FYB1: variants seen among roughly 807,000 people sequenced by gnomAD.
FYB1 encodes FYN-binding protein 1.
FYB1 carries 41 observed loss-of-function variants against 94.1 expected under a neutral mutation model. The ratio of observed to expected loss-of-function variants is 0.44; its 90% CI spans 0.34 to 0.57. The LOEUF is 0.57. Among genes scored for constraint, FYB1 ranks in the 20% least tolerant of loss-of-function variants. FYB1 has a pLI of 0.02. For missense variants in FYB1, 1,050 were observed against 976.8 expected (o/e 1.07, Z -1.00); for synonymous variants, 367 against 353.2 (o/e 1.04, Z -0.44).
chr5:39,268,029 G>A (rs758188501), intron 1 of FYB1, among the ~76,000 whole-genome samples: 1 of 152,054 alleles, frequency 6.6e-6, no homozygotes, highest in Non-Finnish European at 1.5e-5. Flanking sequence ...AAACTACATT[G>A]TAACTCCAAT....
chr5:39,156,554 A>G (rs1743776424), intron 2 of FYB1, among the ~76,000 whole-genome samples: 1 of 152,082 alleles, frequency 6.6e-6, no homozygotes, highest in Non-Finnish European at 1.5e-5. Context: ...AATTGAACAT[A>G]CTCTTCCTCA....
chr5:39,132,028 G>A (rs1451104893), intron 9 of FYB1, among the ~76,000 whole-genome samples: 1 of 152,174 alleles, frequency 6.6e-6, no homozygotes, highest in East Asian at 1.9e-4. Context: ...AATGGTAGAG[G>A]GGTATTTGCA....
intron 1 of FYB1, among the ~76,000 whole-genome samples, chr5:39,240,322 T>C (rs1461663888): frequency 6.6e-6 from 1 of 152,060 alleles, no homozygotes; most frequent in African/African-American, 2.4e-5. Flanking sequence ...AATTGACAAA[T>C]GGAACCTAAT....
At position 39,183,074 on chromosome 5, in the gene FYB1, G is replaced by A. The variant is rs576209635; in HGVS notation, c.1135+18752C>T. On this transcript the variant is annotated intron_variant, in intron 2 of 18. Coordinates refer to ENST00000512982, the MANE Select transcript of FYB1 (RefSeq NM_001465.6). ...TTTCACCCTTGTTGCCCAGGCTGGAGTGCAAAGGCGTGATCTCGGCTCATC... is the reference window on the plus strand; with the variant it reads ...TTTCACCCTTGTTGCCCAGGCTGGAATGCAAAGGCGTGATCTCGGCTCATC... Among the ~76,000 whole-genome samples, 4 of 152,250 alleles carry A rather than the reference G, an allele frequency of 2.6e-5. 1 individual carries two copies. The South Asian group carries it at 8.3e-4, about 32-fold the overall frequency.
chr5:39,251,591 C>T (rs1198031385), intron 1 of FYB1, among the ~76,000 whole-genome samples: 2 of 151,990 alleles, frequency 1.3e-5, no homozygotes. Context: ...AAGGTGCACC[C>T]TATACATAGG....
chr5:39,255,093 A>G (rs1751876150), intron 1 of FYB1, among the ~76,000 whole-genome samples: 2 of 152,308 alleles, frequency 1.3e-5, no homozygotes, highest in South Asian at 4.1e-4. Flanking sequence ...ACAATTTATC[A>G]TCACATGCAT....
intron 14 of FYB1, among the ~76,000 whole-genome samples, chr5:39,121,228 G>A (rs1202984453): frequency 7.4e-6 from 1 of 135,772 alleles, no homozygotes; most frequent in Non-Finnish European, 1.6e-5. Context: ...GTCAAGGGTT[G>A]AAACACCACT....
chr5:39,120,215 C>A (rs963944754), intron 14 of FYB1, among the ~76,000 whole-genome samples: 2 of 148,412 alleles, frequency 1.3e-5, no homozygotes, highest in African/African-American at 5.1e-5. Flanking sequence ...ATCTTCATCC[C>A]TTTATCAATT....
chr5:39,114,202 A>AT (rs1007893416), intron 16 of FYB1, among the ~76,000 whole-genome samples: 1 of 152,106 alleles, frequency 6.6e-6, no homozygotes, highest in Non-Finnish European at 1.5e-5. Context: ...TTTGTAGAAA[A>AT]TTTTTTTCAG....
intron 2 of FYB1, among the ~76,000 whole-genome samples, chr5:39,190,850 C>A (rs1349305514): frequency 2.0e-5 from 3 of 150,458 alleles, no homozygotes; most frequent in Admixed American, 6.7e-5. Flanking sequence ...TCTAGATGAA[C>A]CAGAAGTGAG....
intron 1 of FYB1, among the ~76,000 whole-genome samples, chr5:39,255,736 C>T (rs768642707): frequency 2.4e-4 from 37 of 152,274 alleles, no homozygotes; most frequent in Non-Finnish European, 2.5e-4. Context: ...ACTGCATCAC[C>T]AACTCCAATG....
intron 2 of FYB1, among the ~76,000 whole-genome samples, chr5:39,190,715 C>T (rs149343201): frequency 2.8e-4 from 43 of 152,082 alleles, no homozygotes; most frequent in Admixed American, 7.2e-4. Context: ...CCTTATTCTC[C>T]TTCCACATAA....
At chr5:39,267,350 G>A (rs1752476777) in intron 1 of FYB1, among the ~76,000 whole-genome samples, 1 of 145,466 alleles carries the variant, frequency 6.9e-6, no homozygotes, top group East Asian at 2.1e-4. Context: ...ACAATCCTGT[G>A]GGATAGCTAT....
At chr5:39,200,101 T>C (rs1393031425) in intron 2 of FYB1, among the ~76,000 whole-genome samples, 1 of 152,190 alleles carries the variant, frequency 6.6e-6, no homozygotes, top group African/African-American at 2.4e-5. Context: ...AAATGTGAAC[T>C]GTGGCATGGG....
Position 39,225,012 on chromosome 5 carries a change from C to A in FYB1, c.-27-22025G>T, listed in dbSNP as rs574520978. 7.9e-4 allele frequency among the ~76,000 whole-genome samples: 121 copies of A among 152,250 alleles called. 1 individual carries two copies. The highest frequency in any genetic ancestry group is 1.4e-3 in the Admixed American group (21 of 15,296). On this transcript the variant is annotated intron_variant, in intron 1 of 1. Coordinates refer to the FYB1 transcript ENST00000510188. ...TGCTACATGGGGTTTTATTAGTGGA[C>A]AAAACCTTATAAAAGATGTCAGCAA...
chr5:39,205,406 G>T (rs527283144), intron 1 of FYB1, among the ~76,000 whole-genome samples: 1 of 152,284 alleles, frequency 6.6e-6, no homozygotes, highest in South Asian at 2.1e-4. Flanking sequence ...TAAACAACTT[G>T]CTGTGTGTAA....
At position 39,168,341 on chromosome 5, in the gene FYB1, C is replaced by A. The variant is rs547243622; in HGVS notation, c.1136-14737G>T. The stretch of plus-strand genomic sequence containing the variant: ...TGTAGTTCATCATGACAATGTTTGG[C>A]CTGCACTTGTTAGCCTGAGACAAGT... On this transcript the variant is annotated intron_variant, in intron 2 of 18. Transcript: ENST00000512982. 2.0e-5 allele frequency among the ~76,000 whole-genome samples: 3 copies of A among 152,244 alleles called. No individual in the cohort carries two copies. In the South Asian group the frequency reaches 6.2e-4, roughly 32 times the overall value.
At chr5:39,261,711 C>A (rs1361867083) in intron 1 of FYB1, among the ~76,000 whole-genome samples, 1 of 152,028 alleles carries the variant, frequency 6.6e-6, no homozygotes, top group East Asian at 1.9e-4. Flanking sequence ...CGTGCTACTG[C>A]CCTCCAGCCT....
At chr5:39,155,236 G>A (rs556863366) in intron 2 of FYB1, among the ~76,000 whole-genome samples, 3 of 152,096 alleles carry the variant, frequency 2.0e-5, no homozygotes, top group African/African-American at 7.2e-5. Flanking sequence ...CTTCACTTAG[G>A]GTAATTGCTG....
Sources: allele counts gnomAD v4.1 joint callset (sites outside exome capture counted in the v4.1 genomes callset), GRCh38; gene constraint gnomAD v4.1.1; transcripts MANE v1.5; gene names NCBI Gene and HGNC (gene_info 2026-07-23, HGNC 2026-07-21).